ZCCHC10: variants seen among roughly 807,000 people sequenced by gnomAD.
The protein encoded by ZCCHC10 is zinc finger CCHC-type containing 10.
Under a neutral mutation model 19.5 loss-of-function variants are expected in ZCCHC10, and 16 were observed. The ratio of observed to expected loss-of-function variants is 0.82; its 90% CI spans 0.56 to 1.25. The LOEUF (loss-of-function observed/expected upper bound fraction) is 1.25, where lower values mean the gene tolerates loss of function less well. Ranked by LOEUF, ZCCHC10 falls within the 50% of genes most tolerant of loss-of-function variation. The pLI, the probability that ZCCHC10 is intolerant of heterozygous loss-of-function variation, is 0.00. For missense variants in ZCCHC10, 197 were observed against 201.0 expected (o/e 0.98, Z 0.12); for synonymous variants, 67 against 72.5 (o/e 0.92, Z 0.38).
chr5:133,005,895 G>A (rs940546636), intron 3 of ZCCHC10, among the ~76,000 whole-genome samples: 3 of 151,276 alleles, frequency 2.0e-5, no homozygotes, highest in Admixed American at 6.6e-5. Flanking sequence ...GAACTTTCAC[G>A]TCACAAATTG....
intron 2 of ZCCHC10, among the ~76,000 whole-genome samples, chr5:133,018,510 G>A (rs1262736994): frequency 3.3e-5 from 5 of 151,858 alleles, no homozygotes; most frequent in South Asian, 2.1e-4. Flanking sequence ...AACGATTCTC[G>A]TGCCTCAGCC....
intron 2 of ZCCHC10, among the ~76,000 whole-genome samples, chr5:133,010,047 C>G (rs1253582112): frequency 8.0e-6 from 1 of 125,560 alleles, no homozygotes; most frequent in African/African-American, 3.4e-5. Flanking sequence ...TTTGGGTCAG[C>G]AATTTTTTTT....
intron 2 of ZCCHC10, among the ~76,000 whole-genome samples, chr5:133,017,487 A>G (rs571570324): frequency 6.6e-6 from 1 of 152,032 alleles, no homozygotes; most frequent in South Asian, 2.1e-4. Flanking sequence ...CTTCCACCTC[A>G]GCCTCTCAAG....
chr5:133,021,669 T>C (rs1421843599), intron 2 of ZCCHC10, among the ~76,000 whole-genome samples: 1 of 152,204 alleles, frequency 6.6e-6, no homozygotes, highest in East Asian at 1.9e-4. Flanking sequence ...CAAGACTTAT[T>C]ATGAAGCTAC....
chr5:133,013,950 C>T (rs1763744892), intron 2 of ZCCHC10, among the ~76,000 whole-genome samples: 1 of 152,002 alleles, frequency 6.6e-6, no homozygotes, highest in African/African-American at 2.4e-5. Context: ...TGTATTATAG[C>T]TTTTAAAAAT....
intron 1 of ZCCHC10, among the ~76,000 whole-genome samples, chr5:133,024,755 T>C (rs1354722287): frequency 2.0e-5 from 3 of 151,928 alleles, no homozygotes; most frequent in Non-Finnish European, 4.4e-5. Context: ...ATACAAAAAT[T>C]AGCAGGGCAT....
At chr5:133,006,954 A>G in intron 2 of ZCCHC10, 34 bp from the exon 3 acceptor site, 2 of 1,550,616 alleles carry the variant, frequency 1.3e-6, no homozygotes, top group Non-Finnish European at 8.7e-7. Flanking sequence ...AAGCCTTAAA[A>G]TTCTGTCTTG....
chr5:133,022,743 G>A (rs112449823), intron 2 of ZCCHC10, 98 bp downstream of exon 2: 30 of 405,942 alleles, frequency 7.4e-5, no homozygotes, highest in African/African-American at 6.2e-5. Flanking sequence ...GAGCCACCAC[G>A]CCCCGGCCTT....
In ZCCHC10 at chr5:132,997,545, A is replaced by G. The variant is rs1159081185; in HGVS notation, c.*1038T>C. ...CTTTCATGCTAGATTTCAACTATGTATATCCTATGTAAACACACCAGATTA... is the reference window on the plus strand; with the variant it reads ...CTTTCATGCTAGATTTCAACTATGTGTATCCTATGTAAACACACCAGATTA... On this transcript the variant is annotated 3_prime_UTR_variant, in exon 5 of 5. Coordinates refer to ENST00000509437, the MANE Select transcript of ZCCHC10 (RefSeq NM_001300816.3). The G allele has an allele frequency of 4.6e-5, 7 of 152,164 alleles. No homozygotes were observed. Among genetic ancestry groups the G allele is most frequent in the Non-Finnish European group, 5.9e-5 (4 of 68,014 alleles). The allele number at this position is 152,164 out of a possible 1,614,324, so 9.4% of individuals were successfully genotyped here.
intron 2 of ZCCHC10, among the ~76,000 whole-genome samples, chr5:133,015,566 A>G (rs1763866383): frequency 2.0e-5 from 3 of 152,136 alleles, no homozygotes; most frequent in Admixed American, 2.0e-4. Flanking sequence ...CATGTCATGA[A>G]GTTACTCAAG....
intron 2 of ZCCHC10, among the ~76,000 whole-genome samples, chr5:133,021,332 T>A (rs1375872834): frequency 6.6e-6 from 1 of 152,178 alleles, no homozygotes; most frequent in African/African-American, 2.4e-5. Flanking sequence ...CCCAGCCTTT[T>A]GAAACTAAAA....
chr5:133,007,544 CAA>C (rs58700549), intron 2 of ZCCHC10, among the ~76,000 whole-genome samples: 2,112 of 119,258 alleles, frequency 0.018, 54 homozygotes, highest in African/African-American at 0.055. Context: ...CTCCGTCTCA[CAA>C]AAAAAAAAAA....
intron 1 of ZCCHC10, 132 bp downstream of exon 1, chr5:133,026,356 GCCCGAGCCC>G: frequency 8.1e-7 from 1 of 1,229,314 alleles, no homozygotes; most frequent in South Asian, 1.3e-5. Flanking sequence ...TATCGCCCGG[GCCCGAGCCC>G]CCCGGGAGCC....
intron 2 of ZCCHC10, among the ~76,000 whole-genome samples, chr5:133,013,519 C>T (rs187107009): frequency 1.9e-4 from 29 of 151,860 alleles, no homozygotes; most frequent in African/African-American, 6.5e-4. Context: ...GTCAGGAGTT[C>T]GAGACCAGCC....
intron 2 of ZCCHC10, among the ~76,000 whole-genome samples, chr5:133,013,800 A>G (rs113718446): frequency 3.9e-4 from 28 of 72,328 alleles, no homozygotes; most frequent in Admixed American, 1.7e-3. Context: ...CTATTTTGGG[A>G]AAAAAAAAAG....
chr5:133,026,354 G>T, intron 1 of ZCCHC10, 143 bp downstream of exon 1: 1 of 1,213,860 alleles, frequency 8.2e-7, no homozygotes, highest in Non-Finnish European at 1.2e-6. Flanking sequence ...CTTATCGCCC[G>T]GGCCCGAGCC....
chr5:133,015,402 T>C (rs1036009874), intron 2 of ZCCHC10, among the ~76,000 whole-genome samples: 2 of 152,142 alleles, frequency 1.3e-5, no homozygotes, highest in Non-Finnish European at 2.9e-5. Flanking sequence ...TTCATCCTTT[T>C]GTAATTGTGG....
In ZCCHC10 at chr5:133,011,117, A is replaced by T. The variant is rs561367684; in HGVS notation, c.108-4197T>A. Among the ~76,000 whole-genome samples the T allele has an allele frequency of 3.4e-4, 51 of 149,790 alleles. No homozygotes were observed. The South Asian group carries it at 4.2e-3, about 12-fold the overall frequency. On this transcript the variant is annotated intron_variant, in intron 2 of 4. Coordinates refer to ENST00000509437, the MANE Select transcript of ZCCHC10 (RefSeq NM_001300816.3). ...AAAAGGAACTTTTTAATTTAAAAAT[A>T]TTTTTTTTTTCTTTTTTAGAGAAGA...
chr5:133,014,514 C>T (rs1763793035), intron 2 of ZCCHC10, among the ~76,000 whole-genome samples: 1 of 152,172 alleles, frequency 6.6e-6, no homozygotes, highest in Non-Finnish European at 1.5e-5. Flanking sequence ...TCTTAACGTC[C>T]CGTATAGCAA....
Sources: gnomAD v4.1 joint callset for allele counts (sites outside exome capture counted in the v4.1 genomes callset) on GRCh38, gnomAD v4.1.1 for gene constraint, MANE v1.5 for transcripts, NCBI Gene and HGNC (gene_info 2026-07-23, HGNC 2026-07-21) for gene names.